TKFC: variants seen among roughly 807,000 people sequenced by gnomAD.
TKFC encodes triokinase and FMN cyclase.
In TKFC, 46 loss-of-function variants were observed where a neutral mutation model predicts 61.0. That is an observed-to-expected ratio of 0.75 (90% CI 0.60 to 0.96). TKFC has a LOEUF of 0.96. Among genes scored for constraint, TKFC ranks in the 50% least tolerant of loss-of-function variants. The probability of loss-of-function intolerance (pLI) is 0.00; values close to 1 mark genes in which losing one functional copy is unlikely to be tolerated. For missense variants in TKFC, 715 were observed against 777.5 expected (o/e 0.92, Z 0.96); for synonymous variants, 314 against 330.1 (o/e 0.95, Z 0.53).
At chr11:61,336,428 G>A (rs570897563) in intron 2 of TKFC, 1 of 152,926 alleles carries the variant, frequency 6.5e-6, no homozygotes, top group Admixed American at 6.5e-5. Flanking sequence ...TCCACGTTGG[G>A]CCCCAGTCTC....
downstream of TKFC, chr11:61,352,853 C>T (rs1857478441): frequency 6.6e-7 from 1 of 1,516,386 alleles, no homozygotes; most frequent in Non-Finnish European, 8.8e-7. Flanking sequence ...ATTCTGTTAC[C>T]TTCCAGATCA....
chr11:61,339,313 C>T lies in TKFC; in HGVS notation c.364C>T (p.Arg122Trp), dbSNP rs149026556. 83 of 1,613,768 alleles carry T rather than the reference C, an allele frequency of 5.1e-5. No homozygotes were observed. Among genetic ancestry groups the T allele is most frequent in the African/African-American group, 6.7e-5 (5 of 74,934 alleles). ...GGATCGGCTCAACTTCGGCCTGGCC[C>T]GGGAGCAGGCCCGGGCTGAAGGCAT... ...TGDRLNFGLA[R>W]EQARAEGIPV... Residue 122 changes from arginine to tryptophan, a missense_variant, in exon 5 of 18, where the codon CGG becomes TGG. Arg to Trp is a moderately radical substitution (Grantham distance 101, BLOSUM62 -3). Coordinates refer to ENST00000394900, the MANE Select transcript of TKFC (RefSeq NM_015533.4).
chr11:61,351,284 CTTTTT>C (rs909648792), downstream of TKFC: 1,239 of 292,100 alleles, frequency 4.2e-3, no homozygotes, highest in East Asian at 6.2e-3. Flanking sequence ...AACACCCTTT[CTTTTT>C]TTTTTTTTTT....
rs1856525885 is a variant in TKFC at position 61,334,629 on chromosome 11, C to A, written c.-100C>A. ...TTACCCACTCCTGCAGGTGCTGCTG[C>A]TGCCTCCACTGTACTCAGACCCAGG... is the stretch of plus-strand genomic sequence containing the variant. On this transcript the variant is annotated 5_prime_UTR_variant, in exon 2 of 18. It adds an upstream start codon to the 5' untranslated region. Transcript: ENST00000394900. 31 of 1,524,056 alleles carry A rather than the reference C, an allele frequency of 2.0e-5. No individual in the cohort carries two copies. Among genetic ancestry groups the A allele is most frequent in the Non-Finnish European group, 2.8e-5 (31 of 1,103,938 alleles). 94.4% of individuals were successfully genotyped at this position (1,524,056 alleles called of 1,614,324 possible). A position where few individuals can be genotyped will look rare whatever the true frequency, so the allele number is the denominator to read the frequency against.
chr11:61,337,919 CCTT>C lies in TKFC; in HGVS notation c.4-19_4-17del, dbSNP rs1280867293. ...ATCTGTACTGACCACATTCTGACCT[CCTT>C]CTCACTCCTCCCTTGCAGACCTCCA... On this transcript the variant is annotated intron_variant, in intron 2 of 17. Transcript: ENST00000394900. The C allele has an allele frequency of 1.9e-6, 3 of 1,585,816 alleles. No individual in the cohort carries two copies. The highest frequency in any genetic ancestry group is 2.2e-5 in the East Asian group (1 of 44,676).
chr11:61,352,984 C>G, downstream of TKFC: 1 of 1,614,158 alleles, frequency 6.2e-7, no homozygotes, highest in Non-Finnish European at 8.5e-7. Flanking sequence ...ACTGCACTCA[C>G]AAACTGAAGA....
rs759051311 is a variant in TKFC, at chr11:61,343,507, G to A, written c.982+49G>A. 9.1e-6 allele frequency: 14 copies of A among 1,539,828 alleles called. No individual in the cohort carries two copies. In the Admixed American group the frequency reaches 1.2e-4, roughly 13 times the overall value. On this transcript the variant is annotated intron_variant, in intron 11 of 17. Transcript: ENST00000394900. ...CCCAAGCCAGGGCTCCTTGTAACTG[G>A]AAGGAGCCAGGGAGACTTGGAGACC... is the stretch of plus-strand genomic sequence containing the variant.
intron 13 of TKFC, 152 bp from the exon 14 acceptor site, chr11:61,345,108 C>T: frequency 1.5e-6 from 1 of 678,118 alleles, no homozygotes; most frequent in Non-Finnish European, 2.4e-6. Context: ...CCCAGCCCCT[C>T]TCCAGACTGC....
Position 61,348,530 on chromosome 11 carries a change from G to A in TKFC, c.*2027G>A, listed in dbSNP as rs546925542. 23 of 980,936 alleles carry A rather than the reference G, an allele frequency of 2.3e-5. No individual in the cohort carries two copies. In the African/African-American group the frequency reaches 4.0e-4, roughly 17 times the overall value. 60.8% of individuals were successfully genotyped at this position (980,936 alleles called of 1,614,324 possible). ...TCCCCCCCAAATTCCTGTGTTGAAA[G>A]GCTCACCCCCACTATGGTAGTGTTA... is the stretch of plus-strand genomic sequence containing the variant. On this transcript the variant is annotated 3_prime_UTR_variant, in exon 18 of 18. Coordinates refer to ENST00000394900, the MANE Select transcript of TKFC (RefSeq NM_015533.4).
In TKFC at chr11:61,345,442, A is replaced by C. The variant is rs1346570293; in HGVS notation, c.1348-20A>C. The C allele has an allele frequency of 1.9e-6, 3 of 1,609,314 alleles. No homozygotes were observed. The East Asian group carries it at 6.7e-5, about 36-fold the overall frequency. On this transcript the variant is annotated intron_variant, in intron 14 of 17. Coordinates refer to ENST00000394900, the MANE Select transcript of TKFC (RefSeq NM_015533.4). ...GGGTCCAGGCCAGCACCACATGCTCAGCGTTGTCATCTTCCCCAGCTCTAT... is the reference window on the plus strand; with the variant it reads ...GGGTCCAGGCCAGCACCACATGCTCCGCGTTGTCATCTTCCCCAGCTCTAT...
intron 10 of TKFC, 189 bp downstream of exon 10, chr11:61,343,033 G>A: frequency 1.6e-6 from 1 of 640,796 alleles, no homozygotes; most frequent in South Asian, 1.9e-5. Context: ...AATAATAATG[G>A]TACCTGCTTT....
chr11:61,349,766 G>A (rs555260280), downstream of TKFC: 19 of 652,636 alleles, frequency 2.9e-5, no homozygotes, highest in South Asian at 2.2e-4. Flanking sequence ...CCCCCTTTCT[G>A]CAATCACCCC....
Position 61,342,499 on chromosome 11 carries a change from G to A in TKFC, c.690+4G>A. 1 of 1,614,062 alleles carries A rather than the reference G, an allele frequency of 6.2e-7. No homozygotes were observed. The highest frequency in any genetic ancestry group is 8.5e-7 in the Non-Finnish European group (1 of 1,180,032). ...AGCTGGTGTGCGCCGGATAAAGGTA[G>A]GTGGTCCCTCTGGCACAGGCCGCCC... On this transcript the variant is annotated splice_donor_region_variant and intron_variant, in intron 8 of 17. Transcript: ENST00000394900.
At chr11:61,350,531 C>A, downstream of TKFC, 5 of 1,404,918 alleles carry the variant, frequency 3.6e-6, no homozygotes, top group Non-Finnish European at 4.9e-6. Flanking sequence ...CCATCCAAGC[C>A]ACCAAATCCC....
At chr11:61,351,195 T>C, downstream of TKFC, 1 of 1,554,290 alleles carries the variant, frequency 6.4e-7, no homozygotes, top group Non-Finnish European at 8.7e-7. Context: ...TTTCCACCTA[T>C]TTTTGTCTAG....
chr11:61,346,010 A>G lies in TKFC; in HGVS notation c.1575+64A>G, dbSNP rs116283558. The G allele has an allele frequency of 1.3e-6, 2 of 1,535,168 alleles. No homozygotes were observed. The highest frequency in any genetic ancestry group is 3.4e-5 in the Admixed American group (2 of 58,038). On this transcript the variant is annotated intron_variant, in intron 17 of 17. Coordinates refer to ENST00000394900, the MANE Select transcript of TKFC (RefSeq NM_015533.4). The surrounding 1 kb of genome is among the most constrained non-coding windows in gnomAD (Gnocchi z 4.1). ...TTCTAGCCAGCAGACTCCTGTCTCC[A>G]TGTGACCCTGAGCAAGTTAATAACC...
rs1857202357 is a variant in TKFC at position 61,347,650 on chromosome 11, A to C, written c.*1147A>C. 6.1e-6 allele frequency: 6 copies of C among 985,286 alleles called. No homozygotes were observed. The highest frequency in any genetic ancestry group is 7.2e-6 in the Non-Finnish European group (6 of 829,932). 61.0% of individuals were successfully genotyped at this position (985,286 alleles called of 1,614,324 possible). On this transcript the variant is annotated 3_prime_UTR_variant, in exon 18 of 18. Transcript: ENST00000394900. ...GCAGGGGCACTGTATGCATGTGGAG[A>C]CAAACAGCACATGCCTGGCACACAT...
chr11:61,345,541 A>G lies in TKFC; in HGVS notation c.1427A>G (p.Asp476Gly). The G allele has an allele frequency of 6.2e-7, 1 of 1,613,242 alleles. No homozygotes were observed. The part of the protein sequence containing the change: ...TSLPAWSAAM[D>G]AGLEAMQKYG... ...CTCCCAGCCTGGTCTGCTGCCATGG[A>G]TGCCGGCCTGGAAGCCATGCAGAAG... The change falls in exon 15 of 18, where the codon GAT becomes GGT. Residue 476 changes from aspartate (D) to glycine (G), a missense_variant. By Grantham distance (94) the Asp-to-Gly change is moderately conservative (BLOSUM62 -1). Transcript: ENST00000394900.
At position 61,347,388 on chromosome 11, in the gene TKFC, C is replaced by A; in HGVS notation, c.*885C>A. 1.1e-6 allele frequency: 1 copy of A among 872,128 alleles called. No homozygotes were observed. The highest frequency in any genetic ancestry group is 1.4e-6 in the Non-Finnish European group (1 of 726,902). The allele number at this position is 872,128 out of a possible 1,614,324, so 54.0% of individuals were successfully genotyped here. A position where few individuals can be genotyped will look rare whatever the true frequency, so the allele number is the denominator to read the frequency against. ...AAAACCCTGTCTCTACCAAAAAATA[C>A]AAAATTAGCCAGGCATAGTAGTGTG... On this transcript the variant is annotated 3_prime_UTR_variant, in exon 18 of 18. Transcript: ENST00000394900.
Sources: gnomAD v4.1 joint callset for allele counts on GRCh38, gnomAD v4.1.1 for gene constraint, Gnocchi (gnomAD v3.1) non-coding constraint, MANE v1.5 for transcripts, NCBI Gene and HGNC (gene_info 2026-07-23, HGNC 2026-07-21) for gene names.